NT5C1B: variants seen among roughly 807,000 people sequenced by gnomAD.
NT5C1B encodes 5'-nucleotidase, cytosolic IB.
Under a neutral mutation model 57.8 loss-of-function variants are expected in NT5C1B, and 44 were observed. The observed-to-expected ratio is 0.76, with a 90% CI of 0.60 to 0.98. The LOEUF (loss-of-function observed/expected upper bound fraction) is 0.98. NT5C1B is among the 50% of genes least tolerant of loss of function. NT5C1B has a pLI of 0.00. For synonymous variants in NT5C1B, 284 were observed against 282.6 expected (o/e 1.00, Z -0.05); for missense variants, 742 against 719.5 (o/e 1.03, Z -0.36).
At chr2:18,565,464 T>C (rs1449657631) in intron 8 of NT5C1B, among the ~76,000 whole-genome samples, 1 of 152,208 alleles carries the variant, frequency 6.6e-6, no homozygotes, top group African/African-American at 2.4e-5. Flanking sequence ...AGATATAGAA[T>C]CCATGATTTA....
intron 1 of NT5C1B, among the ~76,000 whole-genome samples, chr2:18,588,940 G>A (rs1191960358): frequency 6.6e-6 from 1 of 152,110 alleles, no homozygotes; most frequent in Non-Finnish European, 1.5e-5. Flanking sequence ...GCATACACCA[G>A]CCTTATTTCC....
rs199965310 is a variant in NT5C1B at position 18,584,579 on chromosome 2, C to T, written c.658G>A (p.Ala220Thr). The change falls in exon 4 of 9, where the codon GCT becomes ACT. Residue 220 changes from alanine to threonine, a missense_variant. By Grantham distance (58) the Ala-to-Thr change is moderately conservative. Transcript: ENST00000304081. The surrounding 1 kb of genome is among the most constrained non-coding windows in gnomAD (Gnocchi z 5.8). The stretch of plus-strand genomic sequence containing the variant: ...GACCTCATGGATGCCCAGTAGGCAG[C>T]CTCGTAGTCGTCCTCGTCCTCCCGC... The T allele has an allele frequency of 1.2e-6, 2 of 1,612,756 alleles. No individual in the cohort carries two copies. The highest frequency in any genetic ancestry group is 2.2e-5 in the East Asian group (1 of 44,810).
rs1666525275 is a variant in NT5C1B, at chr2:18,584,711, A to G, written c.526T>C (p.Ser176Pro). Residue 176 changes from serine (S) to proline (P), a missense_variant, in exon 4 of 9, where the codon TCG (serine) becomes CCG (proline). Transcript: ENST00000304081. The surrounding 1 kb of genome is among the most constrained non-coding windows in gnomAD (Gnocchi z 5.8). ...TTCCACTCGGTGGGGGACGTGCGCG[A>G]ATATTCCAGCGGCTGCGAGTCCCGG... 6.2e-7 allele frequency: 1 copy of G among 1,612,636 alleles called. No homozygotes were observed. The highest frequency in any genetic ancestry group is 1.3e-5 in the African/African-American group (1 of 74,918).
intron 8 of NT5C1B, among the ~76,000 whole-genome samples, chr2:18,573,475 C>A (rs1665394451): frequency 6.6e-6 from 1 of 151,998 alleles, no homozygotes; most frequent in Non-Finnish European, 1.5e-5. Context: ...AACATACACA[C>A]ACACACTTAG....
intron 1 of NT5C1B, among the ~76,000 whole-genome samples, chr2:18,587,817 G>C (rs879469415): frequency 6.6e-6 from 1 of 152,106 alleles, no homozygotes; most frequent in Non-Finnish European, 1.5e-5. Flanking sequence ...ATAGAAATTT[G>C]TTGGTTCATA....
In NT5C1B at chr2:18,573,563, T is replaced by C. The variant is rs150768314; in HGVS notation, c.1329+2621A>G. ...ATCAGTTACTTGTCACTGTACTACA[T>C]TGGAGATTGGAGGCTCATAAACTAC... On this transcript the variant is annotated intron_variant, in intron 8 of 8. Transcript: ENST00000304081. Among the ~76,000 whole-genome samples the C allele has an allele frequency of 3.1e-3, 466 of 152,116 alleles. 3 individuals are homozygous for C. Among genetic ancestry groups the C allele is most frequent in the African/African-American group, 0.01 (433 of 41,528 alleles).
At chr2:18,571,708 CTG>C (rs1381694139) in intron 8 of NT5C1B, among the ~76,000 whole-genome samples, 1 of 94,322 alleles carries the variant, frequency 1.1e-5, no homozygotes, top group Non-Finnish European at 1.9e-5. Context: ...CTCTTTCTCT[CTG>C]TGTGTGTGTA....
At chr2:18,588,272 C>T (rs1051028369) in intron 1 of NT5C1B, among the ~76,000 whole-genome samples, 1 of 152,184 alleles carries the variant, frequency 6.6e-6, no homozygotes, top group South Asian at 2.1e-4. Context: ...GGAGGAGATA[C>T]TTATTGGAAT....
At chr2:18,589,374 T>G (rs952780001) in intron 1 of NT5C1B, 65 bp downstream of exon 1, 58 of 1,608,694 alleles carry the variant, frequency 3.6e-5, no homozygotes, top group Non-Finnish European at 4.4e-5. Flanking sequence ...CAGAGGCAAA[T>G]GATGGACTGA....
At chr2:18,589,187 T>C (rs148247401) in intron 1 of NT5C1B, among the ~76,000 whole-genome samples, 54 of 152,366 alleles carry the variant, frequency 3.5e-4, no homozygotes, top group Admixed American at 5.9e-4. Context: ...AATACTGACT[T>C]ATTGGAATCA....
At chr2:18,586,914 G>A in intron 2 of NT5C1B, 1 of 1,604,868 alleles carries the variant, frequency 6.2e-7, no homozygotes, top group South Asian at 1.1e-5. Context: ...AAGTAAAAGA[G>A]TTTCTATTTG....
chr2:18,589,109 C>G (rs1387209909), intron 1 of NT5C1B, among the ~76,000 whole-genome samples: 1 of 152,168 alleles, frequency 6.6e-6, no homozygotes, highest in Non-Finnish European at 1.5e-5. Flanking sequence ...TCCTACTAGG[C>G]CATGCATTCT....
At chr2:18,586,450 G>A (rs991391307) in intron 2 of NT5C1B, 59 bp from the exon 3 acceptor site, 13 of 1,596,492 alleles carry the variant, frequency 8.1e-6, no homozygotes, top group African/African-American at 8.1e-5. Context: ...CCTTCTATAC[G>A]TGTGCCTGCA....
chr2:18,587,356 C>T, intron 2 of NT5C1B, 147 bp downstream of exon 2: 1 of 1,480,554 alleles, frequency 6.8e-7, no homozygotes, highest in Non-Finnish European at 8.9e-7. Flanking sequence ...TTCCTAGTTC[C>T]TTAACCTTCT....
At chr2:18,570,300 ACAGCTGGCT>A (rs1243221541) in intron 8 of NT5C1B, among the ~76,000 whole-genome samples, 2 of 152,054 alleles carry the variant, frequency 1.3e-5, no homozygotes, top group Non-Finnish European at 2.9e-5. Flanking sequence ...AAACTTAGGA[ACAGCTGGCT>A]CAGGAAAATT....
chr2:18,582,800 C>T (rs1572367193), intron 6 of NT5C1B, 68 bp downstream of exon 6: 1 of 1,566,174 alleles, frequency 6.4e-7, no homozygotes, highest in East Asian at 2.3e-5. Context: ...CCACAGTTAG[C>T]AAAATAACAT....
intron 8 of NT5C1B, among the ~76,000 whole-genome samples, chr2:18,574,225 A>C (rs758277738): frequency 6.6e-6 from 1 of 152,182 alleles, no homozygotes; most frequent in Non-Finnish European, 1.5e-5. Context: ...AAAGGTACTC[A>C]ACACATTAAT....
At chr2:18,585,902 T>C (rs1388471569) in intron 3 of NT5C1B, among the ~76,000 whole-genome samples, 1 of 152,104 alleles carries the variant, frequency 6.6e-6, no homozygotes, top group African/African-American at 2.4e-5. Context: ...AATCTGACAC[T>C]CTTTTTCTCT....
At chr2:18,587,579 A>C in exon 2 of NT5C1B, 1 of 1,612,984 alleles carries the variant, frequency 6.2e-7, no homozygotes, top group Non-Finnish European at 8.5e-7. Context: ...TGAGGACCTC[A>C]TTCCAGGCTC....
Sources: gnomAD v4.1 joint callset for allele counts (sites outside exome capture counted in the v4.1 genomes callset) on GRCh38, gnomAD v4.1.1 for gene constraint, Gnocchi (gnomAD v3.1) non-coding constraint, MANE v1.5 for transcripts, NCBI Gene and HGNC (gene_info 2026-07-23, HGNC 2026-07-21) for gene names.